The following INTS9 variants were observed in gnomAD, a reference collection of about 807,000 sequenced individuals.
INTS9 encodes protein related to CPSF subunits of 74 kDa.
Under a neutral mutation model 79.7 loss-of-function variants are expected in INTS9, and 55 were observed. The ratio of observed to expected loss-of-function variants is 0.69; its 90% confidence interval spans 0.56 to 0.86. The LOEUF (loss-of-function observed/expected upper bound fraction) is 0.86. INTS9 is among the 40% of genes least tolerant of loss of function. The pLI is 0.00. For synonymous variants in INTS9, 319 were observed against 325.2 expected (o/e 0.98, Z 0.20); for missense variants, 721 against 831.5 (o/e 0.87, Z 1.64).
In INTS9 at chr8:28,768,335, AAAAG is replaced by A. The variant is rs779141436; in HGVS notation, c.1801-17_1801-14del. The A allele has an allele frequency of 7.4e-6, 12 of 1,611,838 alleles. No individual in the cohort carries two copies. Among genetic ancestry groups the A allele is most frequent in the Non-Finnish European group, 1.0e-5 (12 of 1,179,862 alleles). ...CACTGAAGCCATGCTGCTCCAGAAG[AAAAG>A]AAAGAGGTGGGCTGGGCAGACTGCA... is the stretch of plus-strand genomic sequence containing the variant. On this transcript the variant is annotated splice_polypyrimidine_tract_variant and intron_variant, in intron 16 of 16. Coordinates refer to ENST00000521022, the MANE Select transcript of INTS9 (RefSeq NM_018250.4).
At chr8:28,831,109 C>T (rs2131153235) in intron 6 of INTS9, among the ~76,000 whole-genome samples, 1 of 152,300 alleles carries the variant, frequency 6.6e-6, no homozygotes. Flanking sequence ...TACCTATACA[C>T]CATGGAATAC....
At chr8:28,849,608 T>C (rs1807712504) in intron 3 of INTS9, among the ~76,000 whole-genome samples, 1 of 152,062 alleles carries the variant, frequency 6.6e-6, no homozygotes, top group East Asian at 1.9e-4. Flanking sequence ...CTAAGAGTAC[T>C]GTCCCCTGCA....
chr8:28,817,868 C>A (rs1197469791), intron 6 of INTS9, among the ~76,000 whole-genome samples: 1 of 151,434 alleles, frequency 6.6e-6, no homozygotes, highest in Non-Finnish European at 1.5e-5. Flanking sequence ...AGAGGTCCTT[C>A]ACATCCCTTG....
chr8:28,775,223 C>T (rs1447319610), intron 14 of INTS9, among the ~76,000 whole-genome samples: 3 of 152,180 alleles, frequency 2.0e-5, no homozygotes, highest in African/African-American at 4.8e-5. Context: ...CCAGGGCTCA[C>T]GCTGCTGAAT....
chr8:28,770,870 A>G (rs1802488583), intron 15 of INTS9, 112 bp downstream of exon 15: 8 of 804,170 alleles, frequency 9.9e-6, no homozygotes, highest in Non-Finnish European at 1.4e-5. Flanking sequence ...GGCCAGGGAA[A>G]TAATTCTTCA....
At chr8:28,770,079 C>T in intron 15 of INTS9, 53 bp from the exon 16 acceptor site, 1 of 1,586,008 alleles carries the variant, frequency 6.3e-7, no homozygotes, top group Non-Finnish European at 8.6e-7. Flanking sequence ...GCAGCAGGGG[C>T]CACCGCAGGC....
intron 11 of INTS9, among the ~76,000 whole-genome samples, chr8:28,782,448 C>G (rs1412898459): frequency 6.6e-6 from 1 of 152,240 alleles, no homozygotes; most frequent in Non-Finnish European, 1.5e-5. Flanking sequence ...GGACCAAGAC[C>G]AAAGACTGTA....
intron 4 of INTS9, among the ~76,000 whole-genome samples, chr8:28,846,342 C>T (rs868681076): frequency 7.7e-6 from 1 of 129,048 alleles, no homozygotes; most frequent in Admixed American, 7.9e-5. Context: ...TATGGTATTT[C>T]AAGTCAGCAA....
intron 6 of INTS9, among the ~76,000 whole-genome samples, chr8:28,818,439 T>C (rs1321709293): frequency 2.0e-5 from 3 of 151,908 alleles, no homozygotes; most frequent in Non-Finnish European, 4.4e-5. Context: ...GTTCTGTTTA[T>C]ATGCTGGATT....
chr8:28,814,284 T>TCACACACACACA (rs60850682), intron 6 of INTS9, among the ~76,000 whole-genome samples: 75 of 134,338 alleles, frequency 5.6e-4, no homozygotes, highest in South Asian at 1.1e-3. Context: ...ACAGGGCTTC[T>TCACACACACACA]CACACACACA....
intron 10 of INTS9, among the ~76,000 whole-genome samples, chr8:28,792,462 T>TA (rs527677612): frequency 2.0e-5 from 3 of 148,914 alleles, no homozygotes; most frequent in African/African-American, 5.0e-5. Context: ...ACTATCAGTA[T>TA]AAAAAACTAA....
At chr8:28,859,678 G>C (rs1554509023) in intron 1 of INTS9, 115 bp from the exon 2 acceptor site, 19 of 1,175,380 alleles carry the variant, frequency 1.6e-5, no homozygotes, top group Middle Eastern at 2.6e-4. Flanking sequence ...GTTAAGTTCA[G>C]CTAACTTTCT....
intron 1 of INTS9, among the ~76,000 whole-genome samples, chr8:28,878,644 A>ATT (rs1563316354): frequency 1.6e-4 from 24 of 150,078 alleles, no homozygotes; most frequent in African/African-American, 5.9e-4. Flanking sequence ...TTTTTTTTAA[A>ATT]AAAAAAACAA....
chr8:28,853,211 C>T (rs1017704796), intron 2 of INTS9, among the ~76,000 whole-genome samples: 20 of 152,000 alleles, frequency 1.3e-4, no homozygotes, highest in Non-Finnish European at 2.5e-4. Context: ...GTCAGGGGTT[C>T]GAGACCAGCC....
At chr8:28,828,296 GTAAATTA>G (rs1268347448) in intron 6 of INTS9, among the ~76,000 whole-genome samples, 2 of 152,212 alleles carry the variant, frequency 1.3e-5, no homozygotes, top group Admixed American at 1.3e-4. Flanking sequence ...GTGTCTGAAA[GTAAATTA>G]GGCTGCAGAA....
intron 13 of INTS9, chr8:28,776,411 A>T (rs1338178550): frequency 6.7e-6 from 1 of 148,902 alleles, no homozygotes; most frequent in Non-Finnish European, 1.5e-5. Flanking sequence ...ATGTGCAACC[A>T]AGGAGCAGAG....
At chr8:28,816,061 G>A (rs947951952) in intron 6 of INTS9, among the ~76,000 whole-genome samples, 10 of 151,596 alleles carry the variant, frequency 6.6e-5, no homozygotes, top group African/African-American at 2.4e-4. Flanking sequence ...AAAAAAATAT[G>A]AGAACATATT....
At chr8:28,769,704 C>T (rs913420978) in intron 16 of INTS9, 185 bp downstream of exon 16, 2 of 687,426 alleles carry the variant, frequency 2.9e-6, no homozygotes, top group East Asian at 5.8e-5. Flanking sequence ...AAGGATGGGG[C>T]ACTCCTCACT....
intron 15 of INTS9, 67 bp downstream of exon 15, chr8:28,770,915 A>G: frequency 9.3e-7 from 1 of 1,074,704 alleles, no homozygotes; most frequent in Admixed American, 2.0e-5. Flanking sequence ...TTCAAATATA[A>G]TCTGTTAGGT....
Sources: gnomAD v4.1 joint callset for allele counts (sites outside exome capture counted in the v4.1 genomes callset) on GRCh38, gnomAD v4.1.1 for gene constraint, MANE v1.5 for transcripts, NCBI Gene and HGNC (gene_info 2026-07-23, HGNC 2026-07-21) for gene names.